The following KLHDC1 variants were observed in gnomAD, a reference collection of about 807,000 sequenced individuals.
KLHDC1 encodes the protein kelch domain containing 1, also known as kelch domain-containing protein 1.
Under a neutral mutation model 68.3 loss-of-function variants are expected in KLHDC1, and 53 were observed. The ratio of observed to expected loss-of-function variants is 0.78; its 90% CI spans 0.62 to 0.98. The LOEUF is 0.98. Ranked by LOEUF, KLHDC1 falls within the 50% of genes least tolerant of loss-of-function variation. The probability of loss-of-function intolerance (pLI) is 0.00; values close to 1 mark genes in which losing one functional copy is unlikely to be tolerated. For synonymous variants in KLHDC1, 148 were observed against 159.0 expected (o/e 0.93, Z 0.52); for missense variants, 470 against 492.3 (o/e 0.95, Z 0.43).
intron 10 of KLHDC1, among the ~76,000 whole-genome samples, chr14:49,735,832 G>A (rs1257110559): frequency 6.6e-6 from 1 of 152,074 alleles, no homozygotes; most frequent in African/African-American, 2.4e-5. Flanking sequence ...GCAACATAGT[G>A]AGACCCCATT....
chr14:49,717,134 T>C (rs572952169), intron 4 of KLHDC1, among the ~76,000 whole-genome samples: 1 of 152,354 alleles, frequency 6.6e-6, no homozygotes, highest in African/African-American at 2.4e-5. Flanking sequence ...GCTTGGGTTG[T>C]GTCTACCTTT....
At chr14:49,733,647 T>A (rs970573739) in intron 9 of KLHDC1, among the ~76,000 whole-genome samples, 1 of 152,016 alleles carries the variant, frequency 6.6e-6, no homozygotes, top group Non-Finnish European at 1.5e-5. Flanking sequence ...GGTCTCGAAT[T>A]CCTGACCTCG....
chr14:49,693,179 G>C lies in KLHDC1; in HGVS notation c.-16G>C, dbSNP rs772772276. 1 of 1,575,342 alleles carries C rather than the reference G, an allele frequency of 6.3e-7. No individual in the cohort carries two copies. Among genetic ancestry groups the C allele is most frequent in the Admixed American group, 1.8e-5 (1 of 56,548 alleles). On this transcript the variant is annotated 5_prime_UTR_variant, in exon 1 of 13. Transcript: ENST00000359332. ...GGGGTTGTGGCGCGGCAAGCGGCGG[G>C]CCAGCGACGGCGCGAATGGCGGACT...
chr14:49,744,746 G>A (rs1471310972), intron 12 of KLHDC1, among the ~76,000 whole-genome samples: 1 of 152,078 alleles, frequency 6.6e-6, no homozygotes, highest in Non-Finnish European at 1.5e-5. Context: ...TACATGTTCA[G>A]TACAGATGCA....
chr14:49,725,983 G>A (rs1186574286), intron 6 of KLHDC1, among the ~76,000 whole-genome samples: 6 of 152,026 alleles, frequency 3.9e-5, no homozygotes, highest in African/African-American at 9.7e-5. Flanking sequence ...GACTAGCTGG[G>A]ACTACAGGCG....
At chr14:49,724,191 A>G (rs1352118461) in intron 5 of KLHDC1, among the ~76,000 whole-genome samples, 1 of 152,214 alleles carries the variant, frequency 6.6e-6, no homozygotes, top group East Asian at 1.9e-4. Flanking sequence ...CGTTAATCAC[A>G]GATACCTGCT....
Position 49,701,503 on chromosome 14 carries a change from T to C in KLHDC1, c.97-7656T>C, listed in dbSNP as rs147150631. 3.6e-4 allele frequency among the ~76,000 whole-genome samples: 54 copies of C among 151,548 alleles called. No individual in the cohort carries two copies. In the South Asian group the frequency reaches 5.8e-3, roughly 16 times the overall value. On this transcript the variant is annotated intron_variant, in intron 1 of 12. Coordinates refer to ENST00000359332, the MANE Select transcript of KLHDC1 (RefSeq NM_172193.3). ...GGTGAAACCCCGTCTCTACTAAAAATAGAAAAATAGCTGGTCGTGGTGGTG... is the reference window on the plus strand; with the variant it reads ...GGTGAAACCCCGTCTCTACTAAAAACAGAAAAATAGCTGGTCGTGGTGGTG...
intron 9 of KLHDC1, 38 bp downstream of exon 9, chr14:49,732,854 A>C: frequency 1.0e-5 from 10 of 991,398 alleles, no homozygotes; most frequent in Non-Finnish European, 1.4e-5. Flanking sequence ...TTATTATCTC[A>C]TTCTTTTTTC....
At chr14:49,745,446 G>C (rs1889178181) in intron 12 of KLHDC1, among the ~76,000 whole-genome samples, 1 of 152,208 alleles carries the variant, frequency 6.6e-6, no homozygotes, top group African/African-American at 2.4e-5. Context: ...ACTGTGCCAT[G>C]AAATAAGAAG....
At chr14:49,694,018 C>G (rs1008892453) in intron 1 of KLHDC1, among the ~76,000 whole-genome samples, 2 of 151,908 alleles carry the variant, frequency 1.3e-5, no homozygotes, top group Non-Finnish European at 2.9e-5. Context: ...TCCCAAAATG[C>G]TGGGATTACA....
Position 49,751,585 on chromosome 14 carries a change from G to A in KLHDC1, c.1035-1G>A. On this transcript the variant is annotated splice_acceptor_variant, in intron 12 of 12. Coordinates refer to ENST00000359332, the MANE Select transcript of KLHDC1 (RefSeq NM_172193.3). LOFTEE classifies it high-confidence loss of function. ...ATAATTCTGTTATGTTTTATTTACA[G>A]GTCATGCCTTGACTGCATTGGTAAA... 6.7e-7 allele frequency: 1 copy of A among 1,491,090 alleles called. No individual in the cohort carries two copies. The highest frequency in any genetic ancestry group is 1.4e-5 in the African/African-American group (1 of 71,140). 92.4% of individuals were successfully genotyped at this position (1,491,090 alleles called of 1,614,324 possible). A position where few individuals can be genotyped will look rare whatever the true frequency, so the allele number is the denominator to read the frequency against.
intron 1 of KLHDC1, chr14:49,708,753 T>C (rs920022553): frequency 6.5e-6 from 1 of 153,554 alleles, no homozygotes; most frequent in East Asian, 1.9e-4. Flanking sequence ...TTAAAAAATT[T>C]CCTCCATTAA....
intron 4 of KLHDC1, among the ~76,000 whole-genome samples, chr14:49,712,343 C>G (rs1303362835): frequency 6.6e-6 from 1 of 152,142 alleles, no homozygotes; most frequent in Non-Finnish European, 1.5e-5. Context: ...TCCCAATAGT[C>G]TGCACTGTGT....
At chr14:49,720,012 T>C (rs1173896735) in intron 4 of KLHDC1, among the ~76,000 whole-genome samples, 4 of 145,686 alleles carry the variant, frequency 2.7e-5, no homozygotes, top group African/African-American at 1.0e-4. Flanking sequence ...TTTGAGACAG[T>C]GTCTCGCTCT....
intron 6 of KLHDC1, among the ~76,000 whole-genome samples, chr14:49,727,107 G>C (rs1208794001): frequency 2.0e-5 from 3 of 152,172 alleles, no homozygotes; most frequent in African/African-American, 7.2e-5. Flanking sequence ...AATTAGCTGG[G>C]CGTGGCGGCA....
intron 10 of KLHDC1, among the ~76,000 whole-genome samples, chr14:49,738,213 C>T (rs1888977386): frequency 6.6e-6 from 1 of 151,922 alleles, no homozygotes. Flanking sequence ...TGGAAATAGA[C>T]ATGAACTATC....
chr14:49,719,220 T>G (rs1888464772), intron 4 of KLHDC1, among the ~76,000 whole-genome samples: 1 of 152,124 alleles, frequency 6.6e-6, no homozygotes, highest in Non-Finnish European at 1.5e-5. Context: ...GGATTTGAGA[T>G]TTTATTTTTA....
In KLHDC1 at chr14:49,725,644, A is replaced by C. The variant is rs777894205; in HGVS notation, c.484-42A>C. The stretch of plus-strand genomic sequence containing the variant: ...GATAAAACTGTAATAATAATGTAAA[A>C]ATTATTAAAGCTTTGAGATATTTAA... On this transcript the variant is annotated intron_variant, in intron 5 of 12. Transcript: ENST00000359332. 7 of 1,027,856 alleles carry C rather than the reference A, an allele frequency of 6.8e-6. No homozygotes were observed. The African/African-American group carries it at 8.3e-5, about 12-fold the overall frequency. The allele number at this position is 1,027,856 out of a possible 1,614,324, so 63.7% of individuals were successfully genotyped here. A position where few individuals can be genotyped will look rare whatever the true frequency, so the allele number is the denominator to read the frequency against.
intron 1 of KLHDC1, among the ~76,000 whole-genome samples, chr14:49,693,511 C>T (rs892874269): frequency 2.0e-5 from 3 of 151,734 alleles, no homozygotes; most frequent in Admixed American, 2.0e-4. Flanking sequence ...GACCCGGCTC[C>T]GGGCCTCTTA....
Sources: allele counts gnomAD v4.1 joint callset (sites outside exome capture counted in the v4.1 genomes callset), GRCh38; gene constraint gnomAD v4.1.1; transcripts MANE v1.5; gene names NCBI Gene and HGNC (gene_info 2026-07-23, HGNC 2026-07-21).